DLGAP1: variants seen among roughly 807,000 people sequenced by gnomAD.
DLGAP1 encodes the protein disks large-associated protein 1.
A neutral mutation model predicts 90.8 loss-of-function variants in DLGAP1; 11 were observed. The ratio of observed to expected loss-of-function variants is 0.12; its 90% CI spans 0.08 to 0.20. The LOEUF (loss-of-function observed/expected upper bound fraction) is 0.20, where lower values mean the gene tolerates loss of function less well. DLGAP1 is among the 10% of genes least tolerant of loss of function. The pLI is 1.00. For synonymous variants in DLGAP1, 558 were observed against 540.7 expected, an observed-to-expected ratio of 1.03 and a Z score of -0.44; for missense variants, 1,050 against 1,333.8, an observed-to-expected ratio of 0.79 and a Z score of 3.31.
intron 1 of DLGAP1, among the ~76,000 whole-genome samples, chr18:4,157,232 T>C (rs1434215158): frequency 6.6e-6 from 1 of 152,202 alleles, no homozygotes; most frequent in African/African-American, 2.4e-5. Flanking sequence ...CTGTTTTATG[T>C]AACAAGCATC....
chr18:3,863,151 G>C (rs1209598688), intron 4 of DLGAP1, among the ~76,000 whole-genome samples: 1 of 152,226 alleles, frequency 6.6e-6, no homozygotes, highest in African/African-American at 2.4e-5. Context: ...TGAGAAACTG[G>C]ATTTTTATTT....
chr18:3,700,957 C>T lies in DLGAP1; in HGVS notation c.1591+28178G>A, dbSNP rs9967541. ...GCAGTAGTGGGATCATAGCTTACTG[C>T]AGCCTTGACCTCCTGGGCTTACGTG... On this transcript the variant is annotated intron_variant, in intron 7 of 12. Transcript: ENST00000315677. Among the ~76,000 whole-genome samples, 1,244 of 152,308 alleles carry T rather than the reference C, an allele frequency of 8.2e-3. 16 individuals carry two copies. Among genetic ancestry groups the T allele is most frequent in the African/African-American group, 0.029 (1,195 of 41,558 alleles).
chr18:3,848,819 T>C (rs1459550899), intron 4 of DLGAP1, among the ~76,000 whole-genome samples: 1 of 152,228 alleles, frequency 6.6e-6, no homozygotes, highest in Non-Finnish European at 1.5e-5. Context: ...ATTTGTCTTC[T>C]AACCGATTCT....
intron 1 of DLGAP1, among the ~76,000 whole-genome samples, chr18:4,423,435 G>T (rs553181843): frequency 6.6e-6 from 1 of 152,208 alleles, no homozygotes; most frequent in Non-Finnish European, 1.5e-5. Flanking sequence ...CCTACTAAGT[G>T]CACGGCATTT....
At chr18:3,774,606 T>A (rs555648629) in intron 5 of DLGAP1, 1 of 152,216 alleles carries the variant, frequency 6.6e-6, no homozygotes, top group Admixed American at 6.6e-5. Flanking sequence ...TGGGGGATAG[T>A]GGTGGTGGGC....
At chr18:3,545,813 T>C (rs1269352712) in intron 9 of DLGAP1, among the ~76,000 whole-genome samples, 3 of 152,196 alleles carry the variant, frequency 2.0e-5, no homozygotes, top group African/African-American at 7.2e-5. Context: ...GGATTGGTTG[T>C]CTTAATATCA....
chr18:4,241,355 C>T (rs2078529633), intron 1 of DLGAP1, among the ~76,000 whole-genome samples: 1 of 152,164 alleles, frequency 6.6e-6, no homozygotes, highest in East Asian at 1.9e-4. Context: ...ATGCTATTAT[C>T]TGAGAAACAC....
intron 1 of DLGAP1, among the ~76,000 whole-genome samples, chr18:4,435,081 A>G (rs2083371495): frequency 6.6e-6 from 1 of 152,182 alleles, no homozygotes; most frequent in East Asian, 1.9e-4. Context: ...GCAAAATTAA[A>G]CCTTTCAAAA....
chr18:4,320,904 C>T (rs2080670575), intron 1 of DLGAP1, among the ~76,000 whole-genome samples: 1 of 152,196 alleles, frequency 6.6e-6, no homozygotes, highest in Non-Finnish European at 1.5e-5. Context: ...TAAAGCCTTT[C>T]TGGGCACTGA....
intron 7 of DLGAP1, among the ~76,000 whole-genome samples, chr18:3,714,350 A>G (rs533789391): frequency 6.6e-6 from 1 of 152,350 alleles, no homozygotes; most frequent in South Asian, 2.1e-4. Context: ...TTTCTCAAAC[A>G]CAGCCATAGG....
chr18:4,415,648 G>A (rs2082883368), intron 1 of DLGAP1, among the ~76,000 whole-genome samples: 1 of 152,084 alleles, frequency 6.6e-6, no homozygotes, highest in Non-Finnish European at 1.5e-5. Flanking sequence ...AAATGGTATA[G>A]GTTTTGCACT....
At chr18:3,730,574 T>C (rs2062387456) in intron 6 of DLGAP1, among the ~76,000 whole-genome samples, 1 of 152,164 alleles carries the variant, frequency 6.6e-6, no homozygotes, top group Admixed American at 6.5e-5. Flanking sequence ...ATTTTCCTAA[T>C]ATCAAATTCA....
At chr18:3,784,728 G>C (rs1178740343) in intron 5 of DLGAP1, among the ~76,000 whole-genome samples, 1 of 152,180 alleles carries the variant, frequency 6.6e-6, no homozygotes, top group African/African-American at 2.4e-5. Context: ...GAGAGCCTTG[G>C]GGAAAAGGCG....
Position 3,600,692 on chromosome 18 carries a change from A to ATAGAGATC in DLGAP1, c.1592-18445_1592-18444insGATCTCTA, listed in dbSNP as rs1225384706. 4.7e-4 allele frequency among the ~76,000 whole-genome samples: 64 copies of ATAGAGATC among 136,686 alleles called. 3 individuals are homozygous for ATAGAGATC. Among genetic ancestry groups the ATAGAGATC allele is most frequent in the Middle Eastern group, 3.8e-3 (1 of 266 alleles). 89.7% of individuals were successfully genotyped at this position (136,686 alleles called of 152,430 possible). On this transcript the variant is annotated intron_variant, in intron 7 of 12. Coordinates refer to ENST00000315677, the MANE Select transcript of DLGAP1 (RefSeq NM_004746.4). ...GATCTATAGATATCTATAGAGATCT[A>ATAGAGATC]TATAGATATCTATAGCTATATAGAT...
At chr18:3,894,896 C>G (rs1455053170) in intron 3 of DLGAP1, 1 of 152,166 alleles carries the variant, frequency 6.6e-6, no homozygotes. Flanking sequence ...CTGAGAGCTA[C>G]AGAGTTGACC....
In DLGAP1 at chr18:3,560,458, C is replaced by T. The variant is rs1266484023; in HGVS notation, c.2057+7032G>A. Among the ~76,000 whole-genome samples the T allele has an allele frequency of 1.8e-4, 24 of 134,382 alleles. 2 individuals carry two copies. The highest frequency in any genetic ancestry group is 6.5e-4 in the African/African-American group (22 of 33,896). 88.2% of individuals were successfully genotyped at this position (134,382 alleles called of 152,430 possible). ...AAAAAAAATTAGCCAGGTGTGGTGG[C>T]GTGGGCCTGTAATCCCAGCCACTCG... is the stretch of plus-strand genomic sequence containing the variant. On this transcript the variant is annotated intron_variant, in intron 9 of 12. Transcript: ENST00000315677.
At chr18:3,599,195 C>T (rs508253) in intron 7 of DLGAP1, among the ~76,000 whole-genome samples, 122,949 of 152,250 alleles carry the variant, frequency 0.81, 50,287 homozygotes, top group African/African-American at 0.94. Context: ...CAATTTACTC[C>T]ACAAACCCCC....
intron 1 of DLGAP1, among the ~76,000 whole-genome samples, chr18:4,410,748 C>A (rs73941500): frequency 0.053 from 7,969 of 151,790 alleles, 364 homozygotes; most frequent in African/African-American, 0.12. Flanking sequence ...CAAAAGCAAT[C>A]AAAAAAGTTT....
At chr18:3,931,797 AAAG>A (rs2072521897) in intron 3 of DLGAP1, among the ~76,000 whole-genome samples, 1 of 152,196 alleles carries the variant, frequency 6.6e-6, no homozygotes, top group Admixed American at 6.5e-5. Flanking sequence ...AATACCAGTT[AAAG>A]AAGATTACTT....
Sources: allele counts gnomAD v4.1 joint callset (sites outside exome capture counted in the v4.1 genomes callset), GRCh38; gene constraint gnomAD v4.1.1; transcripts MANE v1.5; gene names NCBI Gene and HGNC (gene_info 2026-07-23, HGNC 2026-07-21).